The following LRRC4C variants were observed in gnomAD, a reference collection of about 807,000 sequenced individuals.
LRRC4C encodes the protein leucine rich repeat containing 4C, also known as leucine-rich repeat-containing protein 4C.
LRRC4C carries 5 observed loss-of-function variants against 33.6 expected under a neutral mutation model. The observed-to-expected ratio is 0.15, with a 90% CI of 0.08 to 0.31. The LOEUF (loss-of-function observed/expected upper bound fraction) is 0.31. LRRC4C is among the 10% of genes least tolerant of loss of function. LRRC4C has a pLI of 1.00. For missense variants in LRRC4C, 560 were observed against 796.7 expected (o/e 0.70, Z 3.58); for synonymous variants, 329 against 302.0 (o/e 1.09, Z -0.93).
intron 1 of LRRC4C, among the ~76,000 whole-genome samples, chr11:41,186,719 G>C (rs917228513): frequency 2.0e-5 from 3 of 152,062 alleles, no homozygotes; most frequent in African/African-American, 7.2e-5. Context: ...AGTAACATCA[G>C]GAAGTACTAT....
chr11:41,259,964 A>T (rs1319624048), intron 1 of LRRC4C, among the ~76,000 whole-genome samples: 1 of 152,000 alleles, frequency 6.6e-6, no homozygotes, highest in African/African-American at 2.4e-5. Context: ...TTTTTGGTGC[A>T]GTGAAGATTG....
chr11:40,433,186 A>C (rs955247982), intron 3 of LRRC4C, among the ~76,000 whole-genome samples: 3 of 152,174 alleles, frequency 2.0e-5, no homozygotes, highest in African/African-American at 7.2e-5. Context: ...TATAAAGTTA[A>C]CTATAATTCA....
intron 2 of LRRC4C, among the ~76,000 whole-genome samples, chr11:40,741,204 A>G (rs1277806042): frequency 6.6e-6 from 1 of 152,082 alleles, no homozygotes; most frequent in African/African-American, 2.4e-5. Context: ...ATCTCAAGTA[A>G]TTTGGGGAAG....
At chr11:40,492,974 A>G (rs1954240138) in intron 3 of LRRC4C, among the ~76,000 whole-genome samples, 1 of 152,112 alleles carries the variant, frequency 6.6e-6, no homozygotes, top group East Asian at 1.9e-4. Flanking sequence ...TCTACCTGTT[A>G]TAAGTGAGAA....
chr11:41,240,375 A>G (rs1948201115), intron 1 of LRRC4C, among the ~76,000 whole-genome samples: 1 of 152,188 alleles, frequency 6.6e-6, no homozygotes, highest in Admixed American at 6.6e-5. Flanking sequence ...GGAGTAAACC[A>G]GAACTGTGAA....
chr11:41,110,450 A>C (rs902763784), intron 1 of LRRC4C, among the ~76,000 whole-genome samples: 5 of 152,190 alleles, frequency 3.3e-5, no homozygotes, highest in African/African-American at 1.2e-4. Context: ...AGAGAATGTA[A>C]ATAACTTATT....
intron 3 of LRRC4C, among the ~76,000 whole-genome samples, chr11:40,404,326 A>G (rs1395013942): frequency 6.6e-6 from 1 of 152,156 alleles, no homozygotes; most frequent in Admixed American, 6.5e-5. Flanking sequence ...GACCCACACA[A>G]TAAAGAGCTA....
intron 1 of LRRC4C, among the ~76,000 whole-genome samples, chr11:40,936,042 A>G (rs1488360742): frequency 5.7e-5 from 4 of 70,294 alleles, no homozygotes; most frequent in African/African-American, 1.1e-4. Flanking sequence ...ATATATATAT[A>G]TATATATATA....
At chr11:41,084,757 G>A (rs1735966980) in intron 1 of LRRC4C, among the ~76,000 whole-genome samples, 1 of 152,148 alleles carries the variant, frequency 6.6e-6, no homozygotes, top group Non-Finnish European at 1.5e-5. Context: ...GCTGAGGCAG[G>A]AGAATCGCTT....
At chr11:40,483,787 ATATATGTATATATATG>A (rs1953713355) in intron 3 of LRRC4C, among the ~76,000 whole-genome samples, 2 of 150,546 alleles carry the variant, frequency 1.3e-5, no homozygotes, top group East Asian at 3.9e-4. Context: ...ATATATGTAT[ATATATGTATATATATG>A]TATATGTATG....
intron 1 of LRRC4C, among the ~76,000 whole-genome samples, chr11:41,148,630 C>A (rs909676046): frequency 2.6e-5 from 4 of 151,846 alleles, no homozygotes; most frequent in African/African-American, 9.7e-5. Context: ...GTAAACTACC[C>A]GGGAAACAAC....
chr11:41,423,396 C>A (rs576863311), intron 1 of LRRC4C, among the ~76,000 whole-genome samples: 2 of 152,160 alleles, frequency 1.3e-5, no homozygotes, highest in South Asian at 2.1e-4. Context: ...TGATCCTTAA[C>A]CTTTTCCTTC....
chr11:41,205,487 C>A (rs1190927844), intron 1 of LRRC4C, among the ~76,000 whole-genome samples: 1 of 152,020 alleles, frequency 6.6e-6, no homozygotes, highest in Non-Finnish European at 1.5e-5. Flanking sequence ...CAGATTTTCC[C>A]CCTTTTAGAA....
At chr11:40,308,644 CT>C (rs898052787) in intron 4 of LRRC4C, among the ~76,000 whole-genome samples, 32 of 151,788 alleles carry the variant, frequency 2.1e-4, no homozygotes, top group African/African-American at 6.8e-4. Flanking sequence ...CAACCACAAA[CT>C]TTTTTTTTCC....
intron 1 of LRRC4C, among the ~76,000 whole-genome samples, chr11:41,433,571 A>C (rs1403975617): frequency 6.6e-6 from 1 of 152,110 alleles, no homozygotes; most frequent in Non-Finnish European, 1.5e-5. Flanking sequence ...GCACCATCTA[A>C]TCAGCTGCCA....
At chr11:40,676,656 T>C (rs911690998) in intron 2 of LRRC4C, among the ~76,000 whole-genome samples, 2 of 152,208 alleles carry the variant, frequency 1.3e-5, no homozygotes, top group African/African-American at 2.4e-5. Context: ...TCATGCCTCT[T>C]CTCAGTCCTT....
intron 2 of LRRC4C, among the ~76,000 whole-genome samples, chr11:40,833,443 T>A (rs574694498): frequency 8.3e-4 from 127 of 152,262 alleles, no homozygotes; most frequent in African/African-American, 3.0e-3. Flanking sequence ...TATTGTCATT[T>A]TGAGTTGAAA....
intron 5 of LRRC4C, among the ~76,000 whole-genome samples, chr11:40,171,397 G>T (rs1860032995): frequency 6.6e-6 from 1 of 152,124 alleles, no homozygotes; most frequent in Admixed American, 6.6e-5. Flanking sequence ...AAAAACCCTA[G>T]CAATAACTGG....
chr11:40,736,079 AG>A (rs1308285161), intron 2 of LRRC4C, among the ~76,000 whole-genome samples: 1 of 152,070 alleles, frequency 6.6e-6, no homozygotes, highest in African/African-American at 2.4e-5. Context: ...TTTGTTACAT[AG>A]GTGTACACGT....
Sources: gnomAD v4.1 joint callset for allele counts (sites outside exome capture counted in the v4.1 genomes callset) on GRCh38, gnomAD v4.1.1 for gene constraint, MANE v1.5 for transcripts, NCBI Gene and HGNC (gene_info 2026-07-23, HGNC 2026-07-21) for gene names.